Variants in GPR160 observed in about 807,000 individuals in gnomAD.
GPR160 encodes G protein-coupled receptor 160.
Under a neutral mutation model 2.6 loss-of-function variants are expected in GPR160, and 2 were observed. That is an observed-to-expected ratio of 0.77 (90% CI 0.32 to 2.44). GPR160 has a LOEUF of 2.44. GPR160 is among the 30% of genes most tolerant of loss of function. The pLI is 0.11. For synonymous variants in GPR160, 130 were observed against 132.2 expected (o/e 0.98, Z 0.12); for missense variants, 351 against 383.6 (o/e 0.91, Z 0.71).
chr3:170,083,869 G>T, intron 3 of GPR160, 36 bp from the exon 4 acceptor site: 1 of 566,584 alleles, frequency 1.8e-6, no homozygotes, highest in Non-Finnish European at 3.0e-6. Context: ...TTTCAAAATA[G>T]GTAACATTAA....
Position 170,084,849 on chromosome 3 carries a change from T to G in GPR160, c.877T>G (p.Trp293Gly). Reference protein sequence around the residue: ...VNSFLIATVYWFNCHKLNLKD... With the variant: ...VNSFLIATVYGFNCHKLNLKD... Reference sequence around the variant, plus strand: ...TAGTTTTCTCATTGCTACAGTGTATTGGTTTAATTGTCACAAGCTTAATTT... The same window carrying G: ...TAGTTTTCTCATTGCTACAGTGTATGGGTTTAATTGTCACAAGCTTAATTT... The change falls in exon 4 of 4, where the codon TGG (tryptophan) becomes GGG (glycine). Residue 293 changes from tryptophan to glycine, a missense_variant. Coordinates refer to ENST00000355897, the MANE Select transcript of GPR160 (RefSeq NM_014373.3). 1 of 1,610,284 alleles carries G rather than the reference T, an allele frequency of 6.2e-7. No homozygotes were observed. Among genetic ancestry groups the G allele is most frequent in the Non-Finnish European group, 8.5e-7 (1 of 1,176,888 alleles).
chr3:170,066,241 C>T (rs1007132050), intron 2 of GPR160, among the ~76,000 whole-genome samples: 4 of 142,536 alleles, frequency 2.8e-5, no homozygotes, highest in Non-Finnish European at 6.0e-5. Context: ...CCCGGGTTCA[C>T]GCCATTCTCC....
intron 2 of GPR160, among the ~76,000 whole-genome samples, chr3:170,048,822 G>A (rs1335965162): frequency 2.6e-5 from 4 of 152,144 alleles, no homozygotes; most frequent in Non-Finnish European, 5.9e-5. Flanking sequence ...TGCTCCATGC[G>A]TGGCCTGTCG....
At chr3:170,081,152 A>G (rs1409442630) in intron 3 of GPR160, among the ~76,000 whole-genome samples, 2 of 152,182 alleles carry the variant, frequency 1.3e-5, no homozygotes, top group Admixed American at 1.3e-4. Context: ...TTTTAAACCA[A>G]CATTGGTTGT....
At chr3:170,046,875 T>A (rs1487798524) in intron 2 of GPR160, among the ~76,000 whole-genome samples, 1 of 152,188 alleles carries the variant, frequency 6.6e-6, no homozygotes, top group Non-Finnish European at 1.5e-5. Context: ...TTCATTTTAC[T>A]GTATCAGAGA....
intron 2 of GPR160, among the ~76,000 whole-genome samples, chr3:170,047,474 T>G (rs1017670822): frequency 6.6e-6 from 1 of 152,204 alleles, no homozygotes; most frequent in African/African-American, 2.4e-5. Flanking sequence ...TTTACTTTGT[T>G]TTTTTATAAA....
intron 2 of GPR160, among the ~76,000 whole-genome samples, chr3:170,071,191 G>A (rs1366514719): frequency 6.6e-6 from 1 of 152,136 alleles, no homozygotes; most frequent in Non-Finnish European, 1.5e-5. Flanking sequence ...ATGTTAAAAT[G>A]TGCTCTCCCA....
rs578135983 is a variant in GPR160, at chr3:170,062,712, T to C, written c.-192-17062T>C. Reference sequence around the variant, plus strand: ...GGCAAACAGGCCCCCGAAAAAAAGCTCAAGGAAAAGTCGCAAACTCACGGA... The same window carrying C: ...GGCAAACAGGCCCCCGAAAAAAAGCCCAAGGAAAAGTCGCAAACTCACGGA... On this transcript the variant is annotated intron_variant, in intron 2 of 3. Transcript: ENST00000355897. 4.4e-6 allele frequency: 6 copies of C among 1,375,626 alleles called. No homozygotes were observed. The African/African-American group carries it at 7.2e-5, about 16-fold the overall frequency. The allele number at this position is 1,375,626 out of a possible 1,614,324, so 85.2% of individuals were successfully genotyped here. A position where few individuals can be genotyped will look rare whatever the true frequency, so the allele number is the denominator to read the frequency against.
chr3:170,074,586 A>G lies in GPR160; in HGVS notation c.-192-5188A>G, dbSNP rs563204091. Among the ~76,000 whole-genome samples the G allele has an allele frequency of 5.9e-5, 9 of 151,982 alleles. No individual in the cohort carries two copies. In the South Asian group the frequency reaches 1.5e-3, roughly 25 times the overall value. ...AACCTCCACCTCCTGGGCTCAAGCG[A>G]TCCTCCCACCTCAGCCTCCCAAGTA... On this transcript the variant is annotated intron_variant, in intron 2 of 3. Transcript: ENST00000355897.
chr3:170,063,492 C>T (rs1455482165), intron 2 of GPR160, among the ~76,000 whole-genome samples: 1 of 147,788 alleles, frequency 6.8e-6, no homozygotes, highest in Non-Finnish European at 1.5e-5. Context: ...CGAGATCCCG[C>T]CATTGCACTC....
intron 2 of GPR160, among the ~76,000 whole-genome samples, chr3:170,050,802 T>C (rs1716923321): frequency 6.6e-6 from 1 of 152,240 alleles, no homozygotes; most frequent in East Asian, 1.9e-4. Flanking sequence ...TTTGTATTGC[T>C]GAGTAGCATA....
intron 2 of GPR160, among the ~76,000 whole-genome samples, chr3:170,076,009 G>C (rs1180328303): frequency 6.6e-6 from 1 of 152,110 alleles, no homozygotes; most frequent in Non-Finnish European, 1.5e-5. Context: ...GACAAATCAA[G>C]AATCTCTCAC....
intron 2 of GPR160, among the ~76,000 whole-genome samples, chr3:170,079,080 G>C (rs1206958351): frequency 6.6e-6 from 1 of 152,228 alleles, no homozygotes; most frequent in African/African-American, 2.4e-5. Flanking sequence ...AGGGGGGACA[G>C]TAATGTTAAT....
intron 2 of GPR160, among the ~76,000 whole-genome samples, chr3:170,074,229 G>A (rs946374148): frequency 2.6e-5 from 4 of 151,974 alleles, no homozygotes; most frequent in Non-Finnish European, 5.9e-5. Context: ...TTTGGACGGA[G>A]TTTCGGTAGT....
chr3:170,065,682 C>A (rs564712395), intron 2 of GPR160, among the ~76,000 whole-genome samples: 1 of 152,244 alleles, frequency 6.6e-6, no homozygotes, highest in African/African-American at 2.4e-5. Flanking sequence ...TGGAAAGTTT[C>A]TTTCATGAAA....
chr3:170,055,661 G>T (rs1711604305), intron 2 of GPR160, among the ~76,000 whole-genome samples: 1 of 151,528 alleles, frequency 6.6e-6, no homozygotes, highest in Admixed American at 6.6e-5. Context: ...TTGAGACGGA[G>T]TCTCGCTCTG....
chr3:170,058,587 T>G (rs1711766152), intron 2 of GPR160, among the ~76,000 whole-genome samples: 1 of 152,218 alleles, frequency 6.6e-6, no homozygotes, highest in Non-Finnish European at 1.5e-5. Flanking sequence ...CAATACTAGT[T>G]AAACCGTCAT....
rs1713348696 is a variant in GPR160, at chr3:170,084,923, C to T, written c.951C>T (p.Cys317=). The change falls in exon 4 of 4, where the codon TGC becomes TGT. Residue 317 remains cysteine, a synonymous_variant. Transcript: ENST00000355897. ...ATCCATTTGTCAACTGGAAGTGCTGCTTCATTCCACTTACAATTCCTAATC... is the reference window on the plus strand; with the variant it reads ...ATCCATTTGTCAACTGGAAGTGCTGTTTCATTCCACTTACAATTCCTAATC... ...PLDPFVNWKC[C]FIPLTIPNLE... is the part of the protein sequence containing the mutation. The T allele has an allele frequency of 1.9e-6, 3 of 1,601,054 alleles. No homozygotes were observed. The highest frequency in any genetic ancestry group is 1.3e-5 in the African/African-American group (1 of 74,578).
At chr3:170,053,674 T>C (rs1245351974) in intron 2 of GPR160, among the ~76,000 whole-genome samples, 3 of 152,210 alleles carry the variant, frequency 2.0e-5, no homozygotes, top group African/African-American at 7.2e-5. Context: ...TTTCCAATTT[T>C]AGGGGTAAAG....
Sources: allele counts gnomAD v4.1 joint callset (sites outside exome capture counted in the v4.1 genomes callset), GRCh38; gene constraint gnomAD v4.1.1; transcripts MANE v1.5; gene names NCBI Gene and HGNC (gene_info 2026-07-23, HGNC 2026-07-21).